Variants in ATP2B4 observed in about 807,000 individuals in gnomAD.
The protein encoded by ATP2B4 is plasma membrane calcium-transporting ATPase 4.
Under a neutral mutation model 110.3 loss-of-function variants are expected in ATP2B4, and 39 were observed. That is an observed-to-expected ratio of 0.35 (90% CI 0.27 to 0.46). The LOEUF is 0.46. Among genes scored for constraint, ATP2B4 ranks in the 20% least tolerant of loss-of-function variants. The probability of loss-of-function intolerance (pLI) is 1.00; values close to 1 mark genes in which losing one functional copy is unlikely to be tolerated. For missense variants in ATP2B4, 1,135 were observed against 1,530.9 expected, an observed-to-expected ratio of 0.74 and a Z score of 4.32; for synonymous variants, 538 against 571.7, an observed-to-expected ratio of 0.94 and a Z score of 0.84.
intron 1 of ATP2B4, chr1:203,657,727 T>C: frequency 4.1e-6 from 3 of 738,454 alleles, no homozygotes; most frequent in Non-Finnish European, 7.5e-6. Context: ...CCATAGTGTT[T>C]ATGGTGTAAT....
rs780296266 is a variant in ATP2B4 at position 203,653,976 on chromosome 1, TATATATA to T, written c.-465+26758_-465+26764del. Among the ~76,000 whole-genome samples, 967 of 117,928 alleles carry T rather than the reference TATATATA, an allele frequency of 8.2e-3. 11 individuals are homozygous for T. The highest frequency in any genetic ancestry group is 0.018 in the African/African-American group (581 of 31,864). 77.4% of individuals were successfully genotyped at this position (117,928 alleles called of 152,430 possible). On this transcript the variant is annotated intron_variant, in intron 1 of 20. Coordinates refer to ENST00000357681, the MANE Select transcript of ATP2B4 (RefSeq NM_001684.5). ...GGTTTGCCAAATATATATATATATATATATATATATTTTTTTTTTTTTTTGAGATGGA... is the reference window on the plus strand; with the variant it reads ...GGTTTGCCAAATATATATATATATATTATTTTTTTTTTTTTTTGAGATGGA...
intron 8 of ATP2B4, among the ~76,000 whole-genome samples, chr1:203,706,293 A>G (rs116813873): frequency 0.017 from 2,643 of 152,252 alleles, 70 homozygotes; most frequent in African/African-American, 0.058. Context: ...TGGTTACTCT[A>G]CCAATGGGCC....
chr1:203,689,049 GT>G (rs1665289990), intron 2 of ATP2B4, among the ~76,000 whole-genome samples: 2 of 151,966 alleles, frequency 1.3e-5, no homozygotes, highest in African/African-American at 4.8e-5. Flanking sequence ...TTCTTTCCCT[GT>G]CCCATTCCCA....
chr1:203,691,066 C>T (rs1665358885), intron 2 of ATP2B4, among the ~76,000 whole-genome samples: 1 of 152,160 alleles, frequency 6.6e-6, no homozygotes, highest in Non-Finnish European at 1.5e-5. Context: ...AGCTGGGCTT[C>T]TGGGTTCACT....
intron 12 of ATP2B4, among the ~76,000 whole-genome samples, chr1:203,711,575 T>C (rs148454810): frequency 6.6e-6 from 1 of 152,306 alleles, no homozygotes; most frequent in African/African-American, 2.4e-5. Context: ...AGAGCTGATA[T>C]GGTTGGAACA....
At chr1:203,714,461 G>A (rs1399057251) in intron 15 of ATP2B4, among the ~76,000 whole-genome samples, 184 bp downstream of exon 15, 1 of 152,150 alleles carries the variant, frequency 6.6e-6, no homozygotes, top group African/African-American at 2.4e-5. Flanking sequence ...CATCAAGTAT[G>A]AAGAATAGAT....
Position 203,698,353 on chromosome 1 carries a change from A to G in ATP2B4, c.390A>G (p.Glu130=). Residue 130 remains glutamate, a splice_region_variant and synonymous_variant, in exon 3 of 21, where the codon GAA becomes GAG. Coordinates refer to ENST00000357681, the MANE Select transcript of ATP2B4 (RefSeq NM_001684.5). ...SFYRPAGEEN[E]LCGQVATTPE... ...ATCGCCCTGCTGGTGAAGAAAATGA[A>G]CGTGAGTGTCCTAAACAGCTCAGCG... The G allele has an allele frequency of 6.2e-7, 1 of 1,614,022 alleles. No homozygotes were observed. Among genetic ancestry groups the G allele is most frequent in the Non-Finnish European group, 8.5e-7 (1 of 1,179,932 alleles).
At chr1:203,652,691 TATG>T (rs1448581430) in intron 1 of ATP2B4, among the ~76,000 whole-genome samples, 5 of 152,170 alleles carry the variant, frequency 3.3e-5, no homozygotes, top group African/African-American at 9.7e-5. Flanking sequence ...TTATATGTGT[TATG>T]ATGATTTGTG....
intron 8 of ATP2B4, 135 bp downstream of exon 8, chr1:203,703,948 G>A (rs990628458): frequency 2.2e-5 from 26 of 1,156,574 alleles, no homozygotes; most frequent in African/African-American, 1.6e-4. Context: ...GGGGCTAGGC[G>A]GCTGTTTCCC....
intron 9 of ATP2B4, 44 bp from the exon 10 acceptor site, chr1:203,707,818 T>C (rs754998625): frequency 5.6e-6 from 9 of 1,605,892 alleles, no homozygotes; most frequent in Non-Finnish European, 7.7e-6. Flanking sequence ...TTTAGGAGAG[T>C]CCAGTTAGTC....
At chr1:203,702,883 A>G (rs761912513) in intron 7 of ATP2B4, among the ~76,000 whole-genome samples, 3 of 152,236 alleles carry the variant, frequency 2.0e-5, no homozygotes, top group Non-Finnish European at 4.4e-5. Context: ...GGAAAACCAG[A>G]GCTAAACAGA....
At chr1:203,679,813 C>T (rs1664944172) in intron 1 of ATP2B4, among the ~76,000 whole-genome samples, 1 of 151,994 alleles carries the variant, frequency 6.6e-6, no homozygotes, top group African/African-American at 2.4e-5. Flanking sequence ...ACCCAGGAGG[C>T]AGAGGTTGCA....
At chr1:203,662,886 T>A (rs1199469476) in intron 1 of ATP2B4, among the ~76,000 whole-genome samples, 1 of 152,248 alleles carries the variant, frequency 6.6e-6, no homozygotes, top group Non-Finnish European at 1.5e-5. Flanking sequence ...GAGGTTTTAC[T>A]CTTCCAGAGG....
intron 1 of ATP2B4, among the ~76,000 whole-genome samples, chr1:203,640,850 T>C (rs987916562): frequency 1.3e-5 from 2 of 152,206 alleles, no homozygotes; most frequent in Admixed American, 1.3e-4. Context: ...CCTCTTTCCA[T>C]GGCTGAGTGA....
rs1418534052 is a variant in ATP2B4, at chr1:203,708,186, G to A, written c.1557+82G>A. The A allele has an allele frequency of 1.9e-6, 3 of 1,563,648 alleles. No homozygotes were observed. The Admixed American group carries it at 5.1e-5, about 27-fold the overall frequency. On this transcript the variant is annotated intron_variant, in intron 10 of 20. Coordinates refer to ENST00000357681, the MANE Select transcript of ATP2B4 (RefSeq NM_001684.5). Reference sequence around the variant, plus strand: ...TTTCTCTGAAATGAACCCCCTTATTGTTTACACTGCCTAAATTGCCATCCC... The same window carrying A: ...TTTCTCTGAAATGAACCCCCTTATTATTTACACTGCCTAAATTGCCATCCC...
chr1:203,671,700 C>T (rs1664667916), intron 1 of ATP2B4, among the ~76,000 whole-genome samples: 3 of 152,218 alleles, frequency 2.0e-5, no homozygotes, highest in Admixed American at 2.0e-4. Flanking sequence ...CTGAACCTTG[C>T]ATGCTGACTC....
intron 1 of ATP2B4, among the ~76,000 whole-genome samples, chr1:203,633,011 C>T (rs908557694): frequency 1.3e-5 from 2 of 151,982 alleles, no homozygotes; most frequent in African/African-American, 4.8e-5. Flanking sequence ...CAACTTCCCA[C>T]GGGGGAGGTT....
intron 2 of ATP2B4, among the ~76,000 whole-genome samples, chr1:203,690,131 T>C (rs1369710260): frequency 6.6e-6 from 1 of 152,190 alleles, no homozygotes; most frequent in Admixed American, 6.5e-5. Flanking sequence ...TTTTATTAGC[T>C]TGAGGATTTA....
intron 20 of ATP2B4, chr1:203,729,715 G>A (rs2102229933): frequency 6.7e-6 from 9 of 1,348,720 alleles, no homozygotes; most frequent in Non-Finnish European, 8.9e-6. Flanking sequence ...TGCTTCCTGG[G>A]GAGCCCTGAG....
Sources: allele counts gnomAD v4.1 joint callset (sites outside exome capture counted in the v4.1 genomes callset), GRCh38; gene constraint gnomAD v4.1.1; transcripts MANE v1.5; gene names NCBI Gene and HGNC (gene_info 2026-07-23, HGNC 2026-07-21).